MAD1L1: variants seen among roughly 807,000 people sequenced by gnomAD.
MAD1L1 encodes mitotic arrest deficient 1 like 1.
In MAD1L1, 95 loss-of-function variants were observed where a neutral mutation model predicts 96.9. The ratio of observed to expected loss-of-function variants is 0.98; its 90% CI spans 0.83 to 1.16. The LOEUF (loss-of-function observed/expected upper bound fraction) is 1.16. Among genes scored for constraint, MAD1L1 ranks in the 50% most tolerant of loss-of-function variants. The pLI is 0.00. For missense variants in MAD1L1, 1,007 were observed against 954.4 expected (o/e 1.06, Z -0.73); for synonymous variants, 473 against 396.6 (o/e 1.19, Z -2.29).
At chr7:2,177,504 A>T (rs1459491914) in intron 10 of MAD1L1, among the ~76,000 whole-genome samples, 1 of 152,254 alleles carries the variant, frequency 6.6e-6, no homozygotes, top group East Asian at 1.9e-4. Flanking sequence ...AGATGTTAAC[A>T]TCCACTGACT....
In MAD1L1 at chr7:1,905,980, G is replaced by A. The variant is rs983327390; in HGVS notation, c.1808-7590C>T. 6.1e-5 allele frequency among the ~76,000 whole-genome samples: 9 copies of A among 146,524 alleles called. No homozygotes were observed. The South Asian group carries it at 2.0e-3, about 32-fold the overall frequency. On this transcript the variant is annotated intron_variant, in intron 17 of 18. Transcript: ENST00000265854. The stretch of plus-strand genomic sequence containing the variant: ...CAGGAGAATTGCTTGAGCCCAGTAA[G>A]CAGAGGCTGCAGTGAGCCGAGATTG...
intron 11 of MAD1L1, among the ~76,000 whole-genome samples, chr7:2,078,131 C>T (rs1487435027): frequency 3.3e-5 from 5 of 152,166 alleles, no homozygotes; most frequent in Admixed American, 3.3e-4. Flanking sequence ...TGGAGACCGG[C>T]ACGACAGACG....
chr7:1,926,245 G>A (rs1316665062), intron 17 of MAD1L1, among the ~76,000 whole-genome samples: 2 of 152,180 alleles, frequency 1.3e-5, no homozygotes, highest in Non-Finnish European at 2.9e-5. Context: ...CACTATTCCT[G>A]TAATGATTAG....
chr7:1,964,458 T>G (rs1780077961), intron 15 of MAD1L1, among the ~76,000 whole-genome samples: 1 of 152,190 alleles, frequency 6.6e-6, no homozygotes. Context: ...TGCGCTTTCT[T>G]CTGCTGCCCT....
chr7:2,069,333 C>T lies in MAD1L1; in HGVS notation c.1079G>A (p.Arg360Gln), dbSNP rs769418574. 1.1e-4 allele frequency: 170 copies of T among 1,595,232 alleles called. No individual in the cohort carries two copies. The highest frequency in any genetic ancestry group is 1.5e-4 in the Admixed American group (9 of 58,590). Residue 360 changes from arginine (R) to glutamine (Q), a missense_variant, in exon 12 of 19, where the codon CGG becomes CAG. Arg to Gln is a conservative substitution (Grantham distance 43). Coordinates refer to ENST00000265854, the MANE Select transcript of MAD1L1 (RefSeq NM_001013836.2). ...CTGCTGCCTGGCCTTCTCCAGCCCC[C>T]GGGCGCTGCATGGGAGAGACAAGAG... ...DKNSAVTSSA[R>Q]GLEKARQQLQ...
intron 12 of MAD1L1, among the ~76,000 whole-genome samples, chr7:2,051,459 G>A (rs1013582079): frequency 1.2e-4 from 18 of 152,134 alleles, no homozygotes; most frequent in African/African-American, 3.4e-4. Context: ...CGAGGGGGGC[G>A]CTGACCTTGT....
intron 17 of MAD1L1, among the ~76,000 whole-genome samples, chr7:1,902,739 G>A (rs1376653224): frequency 6.6e-6 from 1 of 152,270 alleles, no homozygotes; most frequent in Non-Finnish European, 1.5e-5. Flanking sequence ...CCCAGCAGCA[G>A]GCACCGTTCC....
At chr7:2,093,514 C>A (rs1786322308) in intron 11 of MAD1L1, among the ~76,000 whole-genome samples, 1 of 152,238 alleles carries the variant, frequency 6.6e-6, no homozygotes, top group South Asian at 2.1e-4. Context: ...CTCAGCTTTG[C>A]TGTCTCCTCC....
At chr7:1,910,922 A>G (rs1487497621) in intron 17 of MAD1L1, among the ~76,000 whole-genome samples, 1 of 152,152 alleles carries the variant, frequency 6.6e-6, no homozygotes, top group Non-Finnish European at 1.5e-5. Context: ...ATGTGGGGCC[A>G]CAGTGTCTCT....
chr7:1,892,754 G>A (rs949130511), intron 18 of MAD1L1, among the ~76,000 whole-genome samples: 15 of 152,154 alleles, frequency 9.9e-5, no homozygotes, highest in African/African-American at 3.1e-4. Flanking sequence ...TGGCCCTGAC[G>A]CCCACCCTGC....
chr7:1,879,921 G>A (rs953414967), intron 18 of MAD1L1, among the ~76,000 whole-genome samples: 12 of 152,248 alleles, frequency 7.9e-5, no homozygotes, highest in Admixed American at 1.3e-4. Flanking sequence ...TAGCAGAGAC[G>A]GGATTTCACT....
chr7:1,973,704 G>A (rs561504919), intron 15 of MAD1L1, among the ~76,000 whole-genome samples: 1 of 152,278 alleles, frequency 6.6e-6, no homozygotes, highest in East Asian at 1.9e-4. Flanking sequence ...TGTGGGGAAG[G>A]CCCTGCTGAG....
At chr7:2,102,295 TCACCATCAC>T (rs1786835456) in intron 11 of MAD1L1, among the ~76,000 whole-genome samples, 8 of 64,906 alleles carry the variant, frequency 1.2e-4, no homozygotes, top group South Asian at 6.4e-4. Context: ...ACCGCCACTG[TCACCATCAC>T]CACCGTCACC....
At chr7:2,229,744 C>A (rs76915886) in intron 3 of MAD1L1, among the ~76,000 whole-genome samples, 108 of 152,382 alleles carry the variant, frequency 7.1e-4, no homozygotes, top group African/African-American at 2.5e-3. Flanking sequence ...CAATGCTGAG[C>A]GCCAGGCCCA....
intron 10 of MAD1L1, among the ~76,000 whole-genome samples, chr7:2,156,603 T>C (rs1415289914): frequency 1.3e-5 from 2 of 152,178 alleles, no homozygotes; most frequent in Non-Finnish European, 2.9e-5. Context: ...GCGGATCACC[T>C]GAGGTCAGGA....
At chr7:2,101,996 A>T (rs904760040) in intron 11 of MAD1L1, among the ~76,000 whole-genome samples, 3 of 152,082 alleles carry the variant, frequency 2.0e-5, no homozygotes, top group Non-Finnish European at 4.4e-5. Flanking sequence ...GGCAGATCAC[A>T]CAGCCTCGCT....
At chr7:1,899,990 G>A (rs535727155) in intron 17 of MAD1L1, among the ~76,000 whole-genome samples, 51 of 152,308 alleles carry the variant, frequency 3.3e-4, no homozygotes, top group Non-Finnish European at 7.1e-4. Context: ...CATCTCCCAG[G>A]ACTTCTGCCT....
intron 12 of MAD1L1, among the ~76,000 whole-genome samples, chr7:2,059,707 A>T (rs1784555461): frequency 6.6e-6 from 1 of 151,438 alleles, no homozygotes; most frequent in African/African-American, 2.4e-5. Context: ...GCCAGGGGAG[A>T]AGAGAGGCAT....
At chr7:2,111,815 G>A (rs961708003) in intron 11 of MAD1L1, among the ~76,000 whole-genome samples, 4 of 152,164 alleles carry the variant, frequency 2.6e-5, no homozygotes, top group African/African-American at 9.7e-5. Context: ...CACACACCGC[G>A]AACGCACACA....
Sources: gnomAD v4.1 joint callset for allele counts (sites outside exome capture counted in the v4.1 genomes callset) on GRCh38, gnomAD v4.1.1 for gene constraint, MANE v1.5 for transcripts, NCBI Gene and HGNC (gene_info 2026-07-23, HGNC 2026-07-21) for gene names.